Variants in KCNQ1OT1 observed in about 807,000 individuals in gnomAD.
KCNQ1OT1 encodes KCNQ1 opposite strand/antisense transcript 1.
Position 2,645,247 on chromosome 11 carries a change from T to C in KCNQ1OT1, n.54748A>G, listed in dbSNP as rs57153276. ...GGTGGCAAATTCAAGTGAATGCCAG[T>C]TGTGGTGGTAATGGTCAGTTGGGTA... On this transcript the variant is annotated non_coding_transcript_exon_variant, in exon 1 of 1. Transcript: ENST00000597346. This position sits in a 1 kb window ranked among gnomAD's most constrained non-coding sequence, Gnocchi z 5.8. 3.5e-3 allele frequency: 1,388 copies of C among 398,524 alleles called. 21 individuals are homozygous for C. Among genetic ancestry groups the C allele is most frequent in the African/African-American group, 0.026 (1,287 of 48,648 alleles). The allele number at this position is 398,524 out of a possible 1,614,324, so 24.7% of individuals were successfully genotyped here.
chr11:2,662,868 T>C, exon 1 of KCNQ1OT1: 1 of 398,758 alleles, frequency 2.5e-6, no homozygotes, highest in Middle Eastern at 6.3e-4. Context: ...TACCAACATT[T>C]TTCTAAAGGG....
In KCNQ1OT1 at chr11:2,690,638, C is replaced by T. The variant is rs1047380308; in HGVS notation, n.9357G>A. On this transcript the variant is annotated non_coding_transcript_exon_variant, in exon 1 of 1. Coordinates refer to ENST00000597346, the Ensembl canonical transcript of KCNQ1OT1. The surrounding 1 kb of genome is among the most constrained non-coding windows in gnomAD (Gnocchi z 5.1). ...GCATGTTCATATATGTGTCAGAATG[C>T]GTATTTGTCAGTGTATGTGTGTCAG... The T allele has an allele frequency of 4.8e-5, 19 of 398,506 alleles. No homozygotes were observed. The highest frequency in any genetic ancestry group is 1.0e-4 in the African/African-American group (5 of 48,608). 24.7% of individuals were successfully genotyped at this position (398,506 alleles called of 1,614,324 possible).
chr11:2,648,051 C>CG (rs1849693654), exon 1 of KCNQ1OT1: 3 of 319,900 alleles, frequency 9.4e-6, no homozygotes, highest in African/African-American at 7.3e-5. Context: ...CCATCTCTAC[C>CG]AAAAAAAAAA....
At chr11:2,649,625 CATTCA>C (rs1849727114) in exon 1 of KCNQ1OT1, 1 of 398,580 alleles carries the variant, frequency 2.5e-6, no homozygotes, top group Non-Finnish European at 4.4e-6. Flanking sequence ...TTTAATATGG[CATTCA>C]ATTCTTTCCT....
At chr11:2,614,452 A>G in exon 1 of KCNQ1OT1, 1 of 398,488 alleles carries the variant, frequency 2.5e-6, no homozygotes, top group Non-Finnish European at 4.4e-6. Context: ...CTAAGAATTT[A>G]TTTCCAATCT....
chr11:2,659,083 T>C lies in KCNQ1OT1; in HGVS notation n.40912A>G. ...CACGCTCATCATAGTCTGCTTTTCA[T>C]CGTAGGGTCCTCCAACATCCGGGTT... On this transcript the variant is annotated non_coding_transcript_exon_variant, in exon 1 of 1. Coordinates refer to ENST00000597346, the Ensembl canonical transcript of KCNQ1OT1. The surrounding 1 kb of genome is among the most constrained non-coding windows in gnomAD (Gnocchi z 4.3). The C allele has an allele frequency of 2.5e-6, 1 of 398,638 alleles. No homozygotes were observed. The highest frequency in any genetic ancestry group is 4.4e-6 in the Non-Finnish European group (1 of 226,044). 24.7% of individuals were successfully genotyped at this position (398,638 alleles called of 1,614,324 possible). A position where few individuals can be genotyped will look rare whatever the true frequency, so the allele number is the denominator to read the frequency against.
rs565344180 is a variant in KCNQ1OT1 at position 2,695,467 on chromosome 11, C to T, written n.4528G>A. 3.8e-5 allele frequency: 15 copies of T among 398,632 alleles called. No homozygotes were observed. Among genetic ancestry groups the T allele is most frequent in the Middle Eastern group, 6.3e-4 (1 of 1,588 alleles). 24.7% of individuals were successfully genotyped at this position (398,632 alleles called of 1,614,324 possible). ...TGTGTCACTCAGCACTGTGTTTCCA[C>T]GCGTCTCTATCTTGTGAAGTGTACA... On this transcript the variant is annotated non_coding_transcript_exon_variant, in exon 1 of 1. Transcript: ENST00000597346. The surrounding 1 kb of genome is among the most constrained non-coding windows in gnomAD (Gnocchi z 5.2).
exon 1 of KCNQ1OT1, chr11:2,636,139 A>G (rs185474689): frequency 9.2e-5 from 14 of 152,338 alleles, no homozygotes; most frequent in Admixed American, 7.8e-4. Context: ...AACAGGGACA[A>G]TTTGACTTCC....
exon 1 of KCNQ1OT1, chr11:2,628,720 G>A (rs1849301985): frequency 2.5e-6 from 1 of 398,186 alleles, no homozygotes; most frequent in South Asian, 1.3e-4. Context: ...AAAACCAATG[G>A]CAAGGAGCTT....
exon 1 of KCNQ1OT1, chr11:2,632,401 T>A: frequency 7.5e-6 from 3 of 398,448 alleles, no homozygotes; most frequent in Non-Finnish European, 1.3e-5. Context: ...CACTACTATG[T>A]TTAATATAAT....
At position 2,676,149 on chromosome 11, in the gene KCNQ1OT1, T is replaced by C. The variant is rs1048579690; in HGVS notation, n.23846A>G. ...TTTATACAAATGGTAGCATACTGTA[T>C]GTATTTTTCTACACTTTGCCTTTGA... is the stretch of plus-strand genomic sequence containing the variant. On this transcript the variant is annotated non_coding_transcript_exon_variant, in exon 1 of 1. Coordinates refer to ENST00000597346, the Ensembl canonical transcript of KCNQ1OT1. The surrounding 1 kb of genome is among the most constrained non-coding windows in gnomAD (Gnocchi z 4.2). The C allele has an allele frequency of 1.5e-5, 6 of 398,562 alleles. No individual in the cohort carries two copies. The highest frequency in any genetic ancestry group is 2.7e-5 in the Non-Finnish European group (6 of 226,088). 24.7% of individuals were successfully genotyped at this position (398,562 alleles called of 1,614,324 possible). A position where few individuals can be genotyped will look rare whatever the true frequency, so the allele number is the denominator to read the frequency against.
Position 2,682,301 on chromosome 11 carries a change from C to T in KCNQ1OT1, n.17694G>A, listed in dbSNP as rs1590029170. On this transcript the variant is annotated non_coding_transcript_exon_variant, in exon 1 of 1. Transcript: ENST00000597346. The surrounding 1 kb of genome is among the most constrained non-coding windows in gnomAD (Gnocchi z 5.8). ...GGGCTGTAAAAAATCACATACCTCC[C>T]CTCCCATTCTTAATGTGTAACTGTG... 2.5e-6 allele frequency: 1 copy of T among 398,636 alleles called. No individual in the cohort carries two copies. Among genetic ancestry groups the T allele is most frequent in the Non-Finnish European group, 4.4e-6 (1 of 226,078 alleles). 24.7% of individuals were successfully genotyped at this position (398,636 alleles called of 1,614,324 possible).
At chr11:2,648,985 T>TTTTTTTTTTTTTG (rs1849713287) in exon 1 of KCNQ1OT1, 1 of 158,326 alleles carries the variant, frequency 6.3e-6, no homozygotes, top group Non-Finnish European at 1.3e-5. Context: ...CTTTTTCTTT[T>TTTTTTTTTTTTTG]TTTTTTTTTT....
chr11:2,627,675 T>C lies in KCNQ1OT1; in HGVS notation n.72320A>G, dbSNP rs531472890. On this transcript the variant is annotated non_coding_transcript_exon_variant, in exon 1 of 1. Coordinates refer to ENST00000597346, the Ensembl canonical transcript of KCNQ1OT1. This position sits in a 1 kb window ranked among gnomAD's most constrained non-coding sequence, Gnocchi z 4.9. ...ATATTTCATTGTGTGTGTGTATATA[T>C]GTGTGTGTGTGTGTCTGTATGTATA... The C allele has an allele frequency of 1.5e-5, 6 of 396,680 alleles. No homozygotes were observed. Among genetic ancestry groups the C allele is most frequent in the African/African-American group, 1.2e-4 (6 of 48,650 alleles). The allele number at this position is 396,680 out of a possible 1,614,324, so 24.6% of individuals were successfully genotyped here.
chr11:2,632,639 A>G, exon 1 of KCNQ1OT1: 1 of 398,402 alleles, frequency 2.5e-6, no homozygotes, highest in Non-Finnish European at 4.4e-6. Context: ...CATATTCATC[A>G]ACTCAAATAT....
chr11:2,625,069 C>T (rs1849242175), exon 1 of KCNQ1OT1: 1 of 398,526 alleles, frequency 2.5e-6, no homozygotes. Flanking sequence ...ATCTTTGAGA[C>T]TGCTTTTAAT....
chr11:2,655,296 AT>A, exon 1 of KCNQ1OT1: 1 of 398,570 alleles, frequency 2.5e-6, no homozygotes, highest in East Asian at 3.6e-5. Context: ...TGCCCTGAAA[AT>A]TTAGGCCCAG....
chr11:2,696,052 T>C, exon 1 of KCNQ1OT1: 1 of 398,630 alleles, frequency 2.5e-6, no homozygotes. Flanking sequence ...AGTATTATTA[T>C]GAAAACAGTC....
exon 1 of KCNQ1OT1, chr11:2,631,296 C>T (rs950194621): frequency 2.5e-6 from 1 of 398,502 alleles, no homozygotes; most frequent in Non-Finnish European, 4.4e-6. Flanking sequence ...TTTTTCTCCT[C>T]TACTGGTTAT....
Sources: allele counts gnomAD v4.1 joint callset, GRCh38; gene constraint gnomAD v4.1.1; non-coding constraint Gnocchi (gnomAD v3.1); transcripts MANE v1.5; gene names NCBI Gene and HGNC (gene_info 2026-07-23, HGNC 2026-07-21).